Variants in MLIP observed in about 807,000 individuals in gnomAD.
The protein encoded by MLIP is muscular LMNA interacting protein, also known as muscular LMNA-interacting protein.
A neutral mutation model predicts 84.8 loss-of-function variants in MLIP; 79 were observed. The ratio of observed to expected loss-of-function variants is 0.93; its 90% CI spans 0.78 to 1.12. The LOEUF is 1.12. Among genes scored for constraint, MLIP ranks in the 50% most tolerant of loss-of-function variants. The pLI is 0.00. For synonymous variants in MLIP, 504 were observed against 463.0 expected, an observed-to-expected ratio of 1.09 and a Z score of -1.14; for missense variants, 1,257 against 1,160.6, an observed-to-expected ratio of 1.08 and a Z score of -1.21.
intron 1 of MLIP, chr6:54,057,960 C>G (rs1198612978): frequency 1.3e-5 from 2 of 152,102 alleles, no homozygotes; most frequent in African/African-American, 4.8e-5. Flanking sequence ...TAATAATACA[C>G]CATGTTGACT....
chr6:54,027,976 T>C (rs1293818236), intron 1 of MLIP, among the ~76,000 whole-genome samples: 1 of 152,208 alleles, frequency 6.6e-6, no homozygotes, highest in African/African-American at 2.4e-5. Context: ...GTTCTCATTG[T>C]GAGAATTACA....
chr6:54,187,218 C>T (rs967976670), intron 9 of MLIP, among the ~76,000 whole-genome samples: 2 of 152,076 alleles, frequency 1.3e-5, no homozygotes, highest in East Asian at 3.9e-4. Context: ...ACTCCTAAGG[C>T]CCCCATGAGG....
intron 5 of MLIP, among the ~76,000 whole-genome samples, chr6:54,157,450 G>A (rs1774148632): frequency 6.6e-6 from 1 of 151,972 alleles, no homozygotes; most frequent in Admixed American, 6.6e-5. Context: ...TTAGTAATAG[G>A]TTCCAGTTCA....
Position 54,065,466 on chromosome 6 carries a change from A to G in MLIP, c.63+46375A>G, listed in dbSNP as rs1218071043. On this transcript the variant is annotated intron_variant, in intron 1 of 12. Transcript: ENST00000274897. ...ACCAAGGATAAATGTTAACTACATCATTATTTCTTTCCAAGGAAAAGCAAT... is the reference window on the plus strand; with the variant it reads ...ACCAAGGATAAATGTTAACTACATCGTTATTTCTTTCCAAGGAAAAGCAAT... 4.7e-4 allele frequency among the ~76,000 whole-genome samples: 48 copies of G among 101,168 alleles called. 16 individuals are homozygous for G. Among genetic ancestry groups the G allele is most frequent in the Non-Finnish European group, 1.1e-3 (39 of 35,142 alleles). The allele number at this position is 101,168 out of a possible 152,430, so 66.4% of individuals were successfully genotyped here.
chr6:54,157,301 C>T (rs1232002878), intron 5 of MLIP, among the ~76,000 whole-genome samples: 1 of 152,072 alleles, frequency 6.6e-6, no homozygotes, highest in African/African-American at 2.4e-5. Flanking sequence ...TTGTGTGCTA[C>T]CTTGACATCT....
chr6:54,143,756 C>T (rs894633796), intron 4 of MLIP, among the ~76,000 whole-genome samples: 8 of 152,012 alleles, frequency 5.3e-5, no homozygotes, highest in African/African-American at 1.9e-4. Context: ...TTTTTCATGT[C>T]CTTGAATCTT....
chr6:54,110,275 G>T (rs890341715), upstream of MLIP, among the ~76,000 whole-genome samples: 8 of 151,898 alleles, frequency 5.3e-5, 1 homozygote, highest in African/African-American at 1.7e-4. Flanking sequence ...GAGCCACGGC[G>T]CCTGGCCAGT....
chr6:54,106,296 G>GT (rs961950225), intron 1 of MLIP, among the ~76,000 whole-genome samples: 24 of 150,262 alleles, frequency 1.6e-4, no homozygotes, highest in East Asian at 5.8e-4. Context: ...TGGGCAAGAA[G>GT]TTTTTTTTTT....
rs116236914 is a variant in MLIP, at chr6:54,104,113, C to T, written c.64-17334C>T. 6.3e-3 allele frequency among the ~76,000 whole-genome samples: 963 copies of T among 151,686 alleles called. 14 individuals are homozygous for T. Among genetic ancestry groups the T allele is most frequent in the African/African-American group, 0.022 (910 of 41,380 alleles). ...AATACAGGTAAATTTTTTTTTCAGC[C>T]GAATATGATAAAAGCTTTTGAAAGC... On this transcript the variant is annotated intron_variant, in intron 1 of 12. Transcript: ENST00000274897.
At chr6:54,178,171 C>A (rs148545924) in intron 9 of MLIP, among the ~76,000 whole-genome samples, 50 of 152,114 alleles carry the variant, frequency 3.3e-4, no homozygotes, top group Middle Eastern at 3.4e-3. Flanking sequence ...GGGAACTAAT[C>A]TGCATGTCCT....
intron 11 of MLIP, among the ~76,000 whole-genome samples, chr6:54,224,947 G>T (rs1780476732): frequency 6.6e-6 from 1 of 152,098 alleles, no homozygotes; most frequent in African/African-American, 2.4e-5. Flanking sequence ...GTATTTCGTT[G>T]TCTATAGTGT....
intron 12 of MLIP, among the ~76,000 whole-genome samples, chr6:54,243,000 G>T (rs1358069805): frequency 6.6e-6 from 1 of 152,168 alleles, no homozygotes; most frequent in Non-Finnish European, 1.5e-5. Flanking sequence ...CACTGTGTTT[G>T]TGCTGGCCAT....
At chr6:54,163,222 T>C (rs546430454) in intron 8 of MLIP, among the ~76,000 whole-genome samples, 2 of 152,102 alleles carry the variant, frequency 1.3e-5, no homozygotes, top group South Asian at 2.1e-4. Flanking sequence ...TAATTCTTGT[T>C]TTCCTAGATG....
At chr6:54,206,410 A>AT (rs1336705727) in intron 11 of MLIP, among the ~76,000 whole-genome samples, 1 of 151,670 alleles carries the variant, frequency 6.6e-6, no homozygotes, top group Non-Finnish European at 1.5e-5. Context: ...TCCAAGAAAT[A>AT]TTTTTCTTTT....
At chr6:54,154,295 C>T (rs1466759503) in intron 5 of MLIP, among the ~76,000 whole-genome samples, 1 of 152,068 alleles carries the variant, frequency 6.6e-6, no homozygotes, top group Non-Finnish European at 1.5e-5. Context: ...GTATGCCAAT[C>T]AAAACAAAAA....
Position 54,136,771 on chromosome 6 carries a change from CT to C in MLIP, c.705del (p.Phe235LeufsTer22). ...TTGCCTGTAAACCACCTGCTTTCTC[CT>C]TTGTTTCTCCAACTAATCCGAACAC... is the stretch of plus-strand genomic sequence containing the variant. ...QLACKPPAFS[F>X]VSPTNPNTPP... is the part of the protein sequence containing the mutation. On this transcript the variant is annotated frameshift_variant, in exon 4 of 14. Transcript: ENST00000502396. LOFTEE classifies it high-confidence loss of function. 2.6e-6 allele frequency: 4 copies of C among 1,520,418 alleles called. No individual in the cohort carries two copies. The highest frequency in any genetic ancestry group is 3.5e-6 in the Non-Finnish European group (4 of 1,134,216). 94.2% of individuals were successfully genotyped at this position (1,520,418 alleles called of 1,614,324 possible).
intron 1 of MLIP, among the ~76,000 whole-genome samples, chr6:54,054,115 C>T (rs1451537563): frequency 6.6e-6 from 1 of 152,070 alleles, no homozygotes; most frequent in Non-Finnish European, 1.5e-5. Flanking sequence ...TTCACAAAAA[C>T]ACCAAAGTGG....
rs1773007453 is a variant in MLIP at position 54,147,711 on chromosome 6, CTGTA to C, written c.2218-1341_2218-1338del. 4.6e-5 allele frequency among the ~76,000 whole-genome samples: 7 copies of C among 152,052 alleles called. No homozygotes were observed. The South Asian group carries it at 1.2e-3, about 27-fold the overall frequency. ...TGTTTCTGAATGATTGTGTGTGTGTCTGTATGTGAGTACATATGTATATATGTAT... is the reference window on the plus strand; with the variant it reads ...TGTTTCTGAATGATTGTGTGTGTGTCTGTGAGTACATATGTATATATGTAT... On this transcript the variant is annotated intron_variant, in intron 4 of 13. Coordinates refer to ENST00000502396, the MANE Select transcript of MLIP (RefSeq NM_001281747.2).
At chr6:54,161,517 C>G (rs1774636621) in intron 8 of MLIP, among the ~76,000 whole-genome samples, 1 of 151,630 alleles carries the variant, frequency 6.6e-6, no homozygotes, top group South Asian at 2.1e-4. Flanking sequence ...TATGATTTTT[C>G]CTTTATTGAT....
Sources: gnomAD v4.1 joint callset for allele counts (sites outside exome capture counted in the v4.1 genomes callset) on GRCh38, gnomAD v4.1.1 for gene constraint, MANE v1.5 for transcripts, NCBI Gene and HGNC (gene_info 2026-07-23, HGNC 2026-07-21) for gene names.